The following PTPRD variants were observed in gnomAD, a reference collection of about 807,000 sequenced individuals.
PTPRD encodes protein tyrosine phosphatase receptor type D.
A neutral mutation model predicts 214.5 loss-of-function variants in PTPRD; 34 were observed. The observed-to-expected ratio is 0.16, with a 90% CI of 0.12 to 0.21. The LOEUF (loss-of-function observed/expected upper bound fraction) is 0.21. Among genes scored for constraint, PTPRD ranks in the 10% least tolerant of loss-of-function variants. The pLI, the probability that PTPRD is intolerant of heterozygous loss-of-function variation, is 1.00. For missense variants in PTPRD, 2,545 were observed against 2,398.7 expected, an observed-to-expected ratio of 1.06 and a Z score of -1.27; for synonymous variants, 1,128 against 845.7, an observed-to-expected ratio of 1.33 and a Z score of -5.79.
At chr9:8,902,589 C>G (rs985248870) in intron 11 of PTPRD, among the ~76,000 whole-genome samples, 1 of 152,074 alleles carries the variant, frequency 6.6e-6, no homozygotes, top group African/African-American at 2.4e-5. Flanking sequence ...AAGTGATTCA[C>G]CTCCCTCAGC....
chr9:8,977,834 G>A (rs551219984), intron 11 of PTPRD, among the ~76,000 whole-genome samples: 1 of 152,042 alleles, frequency 6.6e-6, no homozygotes, highest in Non-Finnish European at 1.5e-5. Context: ...TTAGGGCTGG[G>A]AAAGACTGAG....
intron 11 of PTPRD, among the ~76,000 whole-genome samples, chr9:8,829,567 C>A (rs10758997): frequency 2.6e-5 from 4 of 151,946 alleles, no homozygotes; most frequent in African/African-American, 4.8e-5. Flanking sequence ...ACACATCACA[C>A]TGGGTTAGAA....
At chr9:8,719,327 T>G (rs1395982127) in intron 12 of PTPRD, among the ~76,000 whole-genome samples, 1 of 152,236 alleles carries the variant, frequency 6.6e-6, no homozygotes, top group Non-Finnish European at 1.5e-5. Flanking sequence ...TTAAGCGCCA[T>G]TAGACATCTA....
chr9:10,503,978 T>C (rs552047972), intron 2 of PTPRD, among the ~76,000 whole-genome samples: 89 of 150,204 alleles, frequency 5.9e-4, no homozygotes, highest in African/African-American at 1.9e-3. Context: ...TAGCCGGGCG[T>C]GGTGGCGGGC....
intron 3 of PTPRD, among the ~76,000 whole-genome samples, chr9:10,244,044 A>G (rs1229981178): frequency 1.3e-5 from 2 of 150,734 alleles, no homozygotes; most frequent in African/African-American, 4.9e-5. Context: ...AATGTAATAT[A>G]CGTAAAGTGC....
At chr9:8,483,165 A>C (rs970289702) in intron 30 of PTPRD, among the ~76,000 whole-genome samples, 2 of 152,170 alleles carry the variant, frequency 1.3e-5, no homozygotes, top group Non-Finnish European at 2.9e-5. Flanking sequence ...AACTTATTTA[A>C]TTGACTGGAT....
At chr9:10,568,529 G>A (rs898037126) in intron 2 of PTPRD, among the ~76,000 whole-genome samples, 11 of 152,044 alleles carry the variant, frequency 7.2e-5, no homozygotes, top group Admixed American at 3.3e-4. Context: ...CTAGATCCCC[G>A]AGGAATCGCC....
chr9:9,620,712 G>GA (rs918932350), intron 7 of PTPRD, among the ~76,000 whole-genome samples: 14 of 150,656 alleles, frequency 9.3e-5, no homozygotes, highest in East Asian at 5.8e-4. Flanking sequence ...TCTGGCTTCA[G>GA]AAAAAAAAAT....
intron 2 of PTPRD, among the ~76,000 whole-genome samples, chr9:10,572,321 T>C (rs946830716): frequency 2.0e-5 from 3 of 152,164 alleles, no homozygotes; most frequent in African/African-American, 7.2e-5. Context: ...GACTCACAAT[T>C]TATATTATCT....
chr9:9,864,130 C>G (rs1157991397), intron 5 of PTPRD, among the ~76,000 whole-genome samples: 4 of 152,028 alleles, frequency 2.6e-5, no homozygotes, highest in Non-Finnish European at 5.9e-5. Flanking sequence ...CATGGTGAAA[C>G]CCCACCTCTA....
At chr9:8,621,202 A>AT (rs1462793302) in intron 14 of PTPRD, among the ~76,000 whole-genome samples, 2 of 151,526 alleles carry the variant, frequency 1.3e-5, no homozygotes, top group Admixed American at 1.3e-4. Context: ...TCTGAGAGAG[A>AT]TTTTCTGGCA....
intron 3 of PTPRD, among the ~76,000 whole-genome samples, chr9:10,335,795 G>A (rs942946807): frequency 6.6e-6 from 1 of 151,642 alleles, no homozygotes; most frequent in Non-Finnish European, 1.5e-5. Flanking sequence ...ACATTAACAG[G>A]CATTTCACCA....
intron 5 of PTPRD, among the ~76,000 whole-genome samples, chr9:9,894,897 A>T (rs1308511856): frequency 2.0e-5 from 3 of 152,022 alleles, no homozygotes; most frequent in African/African-American, 7.2e-5. Context: ...CTGTAAGAAC[A>T]AAAGAGCCAG....
At chr9:9,046,909 C>T (rs1036562150) in intron 10 of PTPRD, among the ~76,000 whole-genome samples, 5 of 152,124 alleles carry the variant, frequency 3.3e-5, no homozygotes, top group Non-Finnish European at 7.4e-5. Context: ...CACTGGAAGT[C>T]TTAGCTAGAG....
In PTPRD at chr9:9,346,014, C is replaced by T. The variant is rs148661726; in HGVS notation, c.-203+51435G>A. On this transcript the variant is annotated intron_variant, in intron 9 of 45. Transcript: ENST00000381196. ...GAAGATTTCAGGTGAAAGTACAACACGAAAAAAGATCTGCTCTTTAAGAGT... is the reference window on the plus strand; with the variant it reads ...GAAGATTTCAGGTGAAAGTACAACATGAAAAAAGATCTGCTCTTTAAGAGT... 2.9e-3 allele frequency among the ~76,000 whole-genome samples: 441 copies of T among 152,086 alleles called. 4 individuals carry two copies. Among genetic ancestry groups the T allele is most frequent in the African/African-American group, 0.01 (431 of 41,504 alleles).
intron 7 of PTPRD, among the ~76,000 whole-genome samples, chr9:9,592,953 G>A (rs1038301435): frequency 6.6e-6 from 1 of 151,956 alleles, no homozygotes; most frequent in African/African-American, 2.4e-5. Flanking sequence ...GCTGAGACAT[G>A]AGAATCACTT....
intron 3 of PTPRD, among the ~76,000 whole-genome samples, chr9:10,138,937 T>C (rs1238302085): frequency 6.6e-6 from 1 of 151,904 alleles, no homozygotes; most frequent in Non-Finnish European, 1.5e-5. Context: ...CTATAGCTAA[T>C]ATCACACCAA....
chr9:9,708,092 G>T (rs903456382), intron 7 of PTPRD, among the ~76,000 whole-genome samples: 8 of 152,006 alleles, frequency 5.3e-5, no homozygotes, highest in Non-Finnish European at 8.8e-5. Context: ...GTAAGAACTG[G>T]CACCAATAAT....
At chr9:9,541,915 G>C (rs2077671939) in intron 8 of PTPRD, among the ~76,000 whole-genome samples, 1 of 151,656 alleles carries the variant, frequency 6.6e-6, no homozygotes, top group Non-Finnish European at 1.5e-5. Flanking sequence ...AAAAGTCTAA[G>C]ATAATGACTC....
Sources: gnomAD v4.1 joint callset for allele counts (sites outside exome capture counted in the v4.1 genomes callset) on GRCh38, gnomAD v4.1.1 for gene constraint, MANE v1.5 for transcripts, NCBI Gene and HGNC (gene_info 2026-07-23, HGNC 2026-07-21) for gene names.